The following TRPS1 variants were observed in gnomAD, a reference collection of about 807,000 sequenced individuals.
The protein encoded by TRPS1 is transcriptional repressor GATA binding 1.
In TRPS1, 6 loss-of-function variants were observed where a neutral mutation model predicts 101.2. The ratio of observed to expected loss-of-function variants is 0.06; its 90% CI spans 0.03 to 0.12. The LOEUF (loss-of-function observed/expected upper bound fraction) is 0.12. TRPS1 is among the 10% of genes least tolerant of loss of function. The pLI, the probability that TRPS1 is intolerant of heterozygous loss-of-function variation, is 1.00. For missense variants in TRPS1, 1,363 were observed against 1,567.0 expected, an observed-to-expected ratio of 0.87 and a Z score of 2.20; for synonymous variants, 578 against 589.8, an observed-to-expected ratio of 0.98 and a Z score of 0.29.
At chr8:115,495,519 A>G (rs903896897) in intron 5 of TRPS1, among the ~76,000 whole-genome samples, 4 of 150,394 alleles carry the variant, frequency 2.7e-5, no homozygotes, top group African/African-American at 4.9e-5. Context: ...TAAATTAGCC[A>G]CTCACTGCAT....
intron 5 of TRPS1, among the ~76,000 whole-genome samples, chr8:115,465,163 A>G (rs1814286295): frequency 6.6e-6 from 1 of 152,214 alleles, no homozygotes; most frequent in Non-Finnish European, 1.5e-5. Flanking sequence ...AAAGGACACG[A>G]GAACACAAAC....
chr8:115,537,989 G>A (rs902097843), intron 5 of TRPS1, among the ~76,000 whole-genome samples: 7 of 152,134 alleles, frequency 4.6e-5, no homozygotes, highest in African/African-American at 1.4e-4. Context: ...TGATCATGAG[G>A]TTAAAATCTC....
chr8:115,621,471 A>G (rs557075011), intron 2 of TRPS1, among the ~76,000 whole-genome samples: 213 of 152,364 alleles, frequency 1.4e-3, no homozygotes, highest in Non-Finnish European at 2.1e-3. Context: ...CTTTGGATAG[A>G]CAAGTGTACC....
chr8:115,423,949 C>T (rs13276273), intron 5 of TRPS1, among the ~76,000 whole-genome samples: 1 of 152,164 alleles, frequency 6.6e-6, no homozygotes, highest in South Asian at 2.1e-4. Flanking sequence ...CTGATTTCAT[C>T]TGATTAATAT....
chr8:115,454,203 T>C (rs759827329), intron 5 of TRPS1, among the ~76,000 whole-genome samples: 1 of 152,236 alleles, frequency 6.6e-6, no homozygotes, highest in Non-Finnish European at 1.5e-5. Context: ...GGGCCATCAG[T>C]GTCCTCCATG....
In TRPS1 at chr8:115,410,647, T is replaced by C. The variant is rs1464659929; in HGVS notation, c.*3376A>G. The C allele has an allele frequency of 6.6e-6, 1 of 152,508 alleles. No homozygotes were observed. Among genetic ancestry groups the C allele is most frequent in the Non-Finnish European group, 1.5e-5 (1 of 67,988 alleles). 9.4% of individuals were successfully genotyped at this position (152,508 alleles called of 1,614,324 possible). On this transcript the variant is annotated 3_prime_UTR_variant, in exon 7 of 7. Transcript: ENST00000395715. Reference sequence around the variant, plus strand: ...TGAGATGGGTTGGCTCTTTATGATTTTTCTATCCCAAACAACAGAATGAAT... The same window carrying C: ...TGAGATGGGTTGGCTCTTTATGATTCTTCTATCCCAAACAACAGAATGAAT...
At chr8:115,623,886 A>C (rs960231273) in intron 1 of TRPS1, 128 bp from the exon 2 acceptor site, 1 of 815,636 alleles carries the variant, frequency 1.2e-6, no homozygotes, top group African/African-American at 1.7e-5. Context: ...GCATGAGCAA[A>C]TCTGGAGCAA....
At chr8:115,482,405 A>AT (rs534679066) in intron 5 of TRPS1, among the ~76,000 whole-genome samples, 11 of 151,734 alleles carry the variant, frequency 7.2e-5, no homozygotes, top group Non-Finnish European at 8.8e-5. Context: ...AAGTAAATTA[A>AT]TTTTTTTTTA....
chr8:115,510,423 A>C (rs2130183180), intron 5 of TRPS1, among the ~76,000 whole-genome samples: 1 of 152,008 alleles, frequency 6.6e-6, no homozygotes, highest in East Asian at 1.9e-4. Context: ...ATCCTTCTAT[A>C]ATTCAGGCTT....
intron 5 of TRPS1, among the ~76,000 whole-genome samples, chr8:115,522,291 T>C (rs1470476353): frequency 6.6e-6 from 1 of 151,972 alleles, no homozygotes; most frequent in African/African-American, 2.4e-5. Context: ...TTATGAGCTT[T>C]GCATATCTGT....
Position 115,623,638 on chromosome 8 carries a change from G to A in TRPS1, c.-1C>T, listed in dbSNP as rs780085599. On this transcript the variant is annotated 5_prime_UTR_variant, in exon 2 of 7. Transcript: ENST00000395715. ...ACCCAGCATTGACTTCATAAGGCAT[G>A]TGGCTTTAGAGTGCTTTTTACAATT... The A allele has an allele frequency of 3.1e-6, 5 of 1,592,672 alleles. No homozygotes were observed. In the South Asian group the frequency reaches 3.3e-5, roughly 11 times the overall value.
intron 1 of TRPS1, among the ~76,000 whole-genome samples, chr8:115,660,424 C>G (rs923739708): frequency 3.3e-5 from 5 of 151,764 alleles, no homozygotes; most frequent in Non-Finnish European, 7.4e-5. Context: ...TGGATTCATT[C>G]CTGGTTACTA....
intron 4 of TRPS1, 115 bp from the exon 5 acceptor site, chr8:115,587,719 A>G: frequency 6.4e-7 from 1 of 1,554,816 alleles, no homozygotes; most frequent in Non-Finnish European, 8.8e-7. Context: ...GTAGGTAGAA[A>G]GAAATGCAAT....
At chr8:115,458,209 T>A (rs910806762) in intron 5 of TRPS1, among the ~76,000 whole-genome samples, 6 of 152,066 alleles carry the variant, frequency 3.9e-5, no homozygotes, top group African/African-American at 1.4e-4. Flanking sequence ...CACAGGAGGT[T>A]GTGTTCTTAG....
At chr8:115,507,763 A>T (rs1473206390) in intron 5 of TRPS1, among the ~76,000 whole-genome samples, 1 of 152,152 alleles carries the variant, frequency 6.6e-6, no homozygotes, top group East Asian at 1.9e-4. Context: ...TTGAACAAGC[A>T]AACAGATTGA....
At chr8:115,422,905 G>A (rs1334098655) in intron 5 of TRPS1, among the ~76,000 whole-genome samples, 2 of 152,148 alleles carry the variant, frequency 1.3e-5, no homozygotes, top group Non-Finnish European at 2.9e-5. Context: ...TCAGTGCTGG[G>A]AGGGAAAAAG....
At chr8:115,611,155 G>C (rs1378307340) in intron 3 of TRPS1, among the ~76,000 whole-genome samples, 4 of 149,280 alleles carry the variant, frequency 2.7e-5, no homozygotes, top group Non-Finnish European at 4.5e-5. Flanking sequence ...TAAATTGGAA[G>C]ACAATATTTT....
chr8:115,437,458 G>GC (rs1172720693), intron 5 of TRPS1, among the ~76,000 whole-genome samples: 2 of 152,198 alleles, frequency 1.3e-5, no homozygotes, highest in Non-Finnish European at 2.9e-5. Flanking sequence ...GGCCACTAGA[G>GC]CTCTTCAGTT....
chr8:115,604,836 G>A lies in TRPS1; in HGVS notation c.1133C>T (p.Ser378Phe). ...TTTTGCAACCTCAGAGGAGGGGAGA[G>A]AAGCTTTTATTTTGTTTGGGTGAGT... The part of the protein sequence containing the change: ...LQTHPNKIKA[S>F]LPSSEVAKPS... Residue 378 changes from serine to phenylalanine, a missense_variant, in exon 4 of 7, where the codon TCT becomes TTT. This residue lies in a region of TRPS1 where 1,020 missense variants were observed against 1,073.0 expected (regional missense o/e 0.95). Coordinates refer to ENST00000395715, the MANE Select transcript of TRPS1 (RefSeq NM_014112.5). The surrounding 1 kb of genome is among the most constrained non-coding windows in gnomAD (Gnocchi z 4.1). 6.2e-7 allele frequency: 1 copy of A among 1,614,112 alleles called. No individual in the cohort carries two copies. Among genetic ancestry groups the A allele is most frequent in the South Asian group, 1.1e-5 (1 of 91,082 alleles).
Sources: allele counts gnomAD v4.1 joint callset (sites outside exome capture counted in the v4.1 genomes callset), GRCh38; gene constraint gnomAD v4.1.1; regional missense constraint gnomAD v4.1.1; non-coding constraint Gnocchi (gnomAD v3.1); transcripts MANE v1.5; gene names NCBI Gene and HGNC (gene_info 2026-07-23, HGNC 2026-07-21).